Variants in ADAMTS17 observed in about 807,000 individuals in gnomAD.
The protein encoded by ADAMTS17 is A disintegrin and metalloproteinase with thrombospondin motifs 17.
Under a neutral mutation model 141.5 loss-of-function variants are expected in ADAMTS17, and 113 were observed. The observed-to-expected ratio is 0.80, with a 90% CI of 0.69 to 0.93. The LOEUF (loss-of-function observed/expected upper bound fraction) is 0.93, where lower values mean the gene tolerates loss of function less well. Ranked by LOEUF, ADAMTS17 falls within the 40% of genes least tolerant of loss-of-function variation. The probability of loss-of-function intolerance (pLI) is 0.00; values close to 1 mark genes in which losing one functional copy is unlikely to be tolerated. For missense variants in ADAMTS17, 1,659 were observed against 1,517.9 expected, an observed-to-expected ratio of 1.09 and a Z score of -1.54; for synonymous variants, 768 against 630.6, an observed-to-expected ratio of 1.22 and a Z score of -3.27.
intron 2 of ADAMTS17, among the ~76,000 whole-genome samples, chr15:100,333,689 G>C (rs1398968877): frequency 6.6e-6 from 1 of 152,184 alleles, no homozygotes; most frequent in Non-Finnish European, 1.5e-5. Flanking sequence ...AGCTGAGCAG[G>C]GCTTCTTGGA....
intron 21 of ADAMTS17, 145 bp from the exon 22 acceptor site, chr15:99,974,707 C>T (rs1349845264): frequency 1.2e-5 from 13 of 1,122,076 alleles, no homozygotes; most frequent in Non-Finnish European, 1.6e-5. Flanking sequence ...TAGGCCATGC[C>T]TCCTGCCAGG....
Position 100,267,080 on chromosome 15 carries a change from T to C in ADAMTS17, c.790-4645A>G, listed in dbSNP as rs148886111. 8.5e-5 allele frequency among the ~76,000 whole-genome samples: 13 copies of C among 152,292 alleles called. No homozygotes were observed. In the East Asian group the frequency reaches 1.5e-3, roughly 18 times the overall value. ...CCTGTAGTGTTAATTACGTTCACGT[T>C]ATTGTACAATTAACCTCCAGGACTC... On this transcript the variant is annotated intron_variant, in intron 4 of 21. Coordinates refer to ENST00000268070, the MANE Select transcript of ADAMTS17 (RefSeq NM_139057.4).
At chr15:100,261,871 T>C (rs1357506916) in intron 5 of ADAMTS17, among the ~76,000 whole-genome samples, 1 of 152,164 alleles carries the variant, frequency 6.6e-6, no homozygotes, top group African/African-American at 2.4e-5. Flanking sequence ...TAAAAAAGCA[T>C]CTTCTTTTCT....
intron 3 of ADAMTS17, among the ~76,000 whole-genome samples, chr15:100,281,634 C>G (rs1402582760): frequency 6.6e-6 from 1 of 152,198 alleles, no homozygotes; most frequent in African/African-American, 2.4e-5. Context: ...GGGGCCCACA[C>G]CCAACTCCCA....
chr15:100,076,689 T>C (rs534415896), intron 15 of ADAMTS17, among the ~76,000 whole-genome samples: 183 of 152,272 alleles, frequency 1.2e-3, no homozygotes, highest in Middle Eastern at 3.4e-3. Flanking sequence ...AGTGTGTTCA[T>C]TGTCATTTTC....
intron 3 of ADAMTS17, among the ~76,000 whole-genome samples, chr15:100,328,297 G>C (rs1482219263): frequency 6.6e-6 from 1 of 152,154 alleles, no homozygotes; most frequent in East Asian, 1.9e-4. Flanking sequence ...AAACTAGATA[G>C]GGCCTAACTG....
At chr15:100,255,464 C>T (rs1189247764) in intron 6 of ADAMTS17, among the ~76,000 whole-genome samples, 1 of 152,154 alleles carries the variant, frequency 6.6e-6, no homozygotes, top group Non-Finnish European at 1.5e-5. Flanking sequence ...TTCCATCAGA[C>T]TCCCTTTTAG....
chr15:100,335,381 GGT>G (rs1471941348), intron 2 of ADAMTS17, among the ~76,000 whole-genome samples: 1 of 151,990 alleles, frequency 6.6e-6, no homozygotes, highest in Non-Finnish European at 1.5e-5. Flanking sequence ...ATGGGGCCTC[GGT>G]GACTTTTCAG....
At chr15:100,322,518 T>A (rs1399067960) in intron 3 of ADAMTS17, among the ~76,000 whole-genome samples, 2 of 152,162 alleles carry the variant, frequency 1.3e-5, no homozygotes, top group African/African-American at 4.8e-5. Context: ...ATTTACAATA[T>A]CCAGAACACA....
intron 7 of ADAMTS17, among the ~76,000 whole-genome samples, chr15:100,204,950 C>G (rs1567348412): frequency 6.6e-6 from 1 of 152,332 alleles, no homozygotes; most frequent in East Asian, 1.9e-4. Context: ...AGTCATACAG[C>G]AGTTATGGCC....
At chr15:100,207,213 C>A (rs1340131554) in intron 7 of ADAMTS17, among the ~76,000 whole-genome samples, 2 of 152,178 alleles carry the variant, frequency 1.3e-5, no homozygotes. Flanking sequence ...CTCCCTCCCT[C>A]TTTCCCTCTC....
chr15:100,100,109 T>C (rs1317267213), intron 14 of ADAMTS17, among the ~76,000 whole-genome samples: 1 of 152,224 alleles, frequency 6.6e-6, no homozygotes, highest in Admixed American at 6.5e-5. Context: ...GTGCCTGTTA[T>C]GTGCCTAACC....
At chr15:100,108,937 AGT>A (rs1295365793) in intron 14 of ADAMTS17, 50 bp downstream of exon 14, 12 of 1,610,708 alleles carry the variant, frequency 7.5e-6, no homozygotes, top group African/African-American at 1.3e-5. Flanking sequence ...GTCTGGGGAG[AGT>A]GAGTCTCCTC....
chr15:100,199,835 T>C (rs997888745), intron 7 of ADAMTS17, among the ~76,000 whole-genome samples: 1 of 152,150 alleles, frequency 6.6e-6, no homozygotes, highest in East Asian at 1.9e-4. Context: ...GCCAGCCAGG[T>C]AAGACACCGA....
intron 12 of ADAMTS17, among the ~76,000 whole-genome samples, chr15:100,124,154 T>C (rs1488367217): frequency 6.6e-6 from 1 of 151,994 alleles, no homozygotes; most frequent in Admixed American, 6.6e-5. Flanking sequence ...TTAGTAGAGA[T>C]GGGGTCTCAT....
chr15:100,102,887 G>A (rs1452990041), intron 14 of ADAMTS17, among the ~76,000 whole-genome samples: 1 of 152,096 alleles, frequency 6.6e-6, no homozygotes, highest in African/African-American at 2.4e-5. Flanking sequence ...CTTGTTTTCA[G>A]CCCACTCTTC....
chr15:100,219,031 G>C (rs1250324866), intron 7 of ADAMTS17, among the ~76,000 whole-genome samples: 2 of 152,160 alleles, frequency 1.3e-5, no homozygotes, highest in Admixed American at 6.5e-5. Flanking sequence ...ATGATGTTCT[G>C]ATACAGGTTA....
intron 6 of ADAMTS17, among the ~76,000 whole-genome samples, chr15:100,257,227 A>C (rs74607829): frequency 0.1 from 15,315 of 152,176 alleles, 1,567 homozygotes; most frequent in African/African-American, 0.26. Flanking sequence ...TCCAGGGCAG[A>C]AGCTGCCTCT....
chr15:100,271,675 G>A (rs776871035), intron 4 of ADAMTS17, among the ~76,000 whole-genome samples: 22 of 151,344 alleles, frequency 1.5e-4, no homozygotes, highest in Non-Finnish European at 1.9e-4. Context: ...CTCCTATTCC[G>A]TGGGTTGCCA....
Sources: allele counts gnomAD v4.1 joint callset (sites outside exome capture counted in the v4.1 genomes callset), GRCh38; gene constraint gnomAD v4.1.1; transcripts MANE v1.5; gene names NCBI Gene and HGNC (gene_info 2026-07-23, HGNC 2026-07-21).